Variants in YIPF3 observed in about 807,000 individuals in gnomAD.
YIPF3 encodes the protein Yip1 domain family member 3, also known as protein YIPF3.
In YIPF3, 18 loss-of-function variants were observed where a neutral mutation model predicts 40.3. The observed-to-expected ratio is 0.45, with a 90% CI of 0.31 to 0.66. The LOEUF (loss-of-function observed/expected upper bound fraction) is 0.66. Among genes scored for constraint, YIPF3 ranks in the 30% least tolerant of loss-of-function variants. YIPF3 has a pLI of 0.07. For synonymous variants in YIPF3, 190 were observed against 179.6 expected (o/e 1.06, Z -0.46); for missense variants, 406 against 452.2 (o/e 0.90, Z 0.93).
At position 43,516,903 on chromosome 6, in the gene YIPF3, G is replaced by A. The variant is rs2231760; in HGVS notation, c.-96C>T. ...CGGAAGGTAGACGTCCAGGGTCGAG[G>A]AGAGGTGGGATCGGCCGGAACACAA... is the stretch of plus-strand genomic sequence containing the variant. On this transcript the variant is annotated 5_prime_UTR_variant, in exon 1 of 9. Transcript: ENST00000372422. The A allele has an allele frequency of 1.0e-3, 1,436 of 1,389,230 alleles. 27 individuals are homozygous for A. The East Asian group carries it at 0.033, about 32-fold the overall frequency. 86.1% of individuals were successfully genotyped at this position (1,389,230 alleles called of 1,614,324 possible). A position where few individuals can be genotyped will look rare whatever the true frequency, so the allele number is the denominator to read the frequency against.
intron 1 of YIPF3, 158 bp downstream of exon 1, chr6:43,516,569 G>A (rs928318620): frequency 2.6e-5 from 22 of 861,460 alleles, no homozygotes; most frequent in Admixed American, 2.2e-4. Flanking sequence ...GCCCTTTCAG[G>A]TCAATGTTAA....
chr6:43,515,726 G>C (rs774606419), intron 2 of YIPF3, 25 bp from the exon 3 acceptor site: 1 of 1,613,398 alleles, frequency 6.2e-7, no homozygotes, highest in East Asian at 2.2e-5. Context: ...ATGGGCATAG[G>C]TATTGTGGTA....
In YIPF3 at chr6:43,516,659, A is replaced by G. The variant is rs2231764; in HGVS notation, c.81+68T>C. On this transcript the variant is annotated intron_variant, in intron 1 of 8. Transcript: ENST00000372422. ...GCGGACTTCCAGGCCCAGAGGGGGA[A>G]TCCCCAAGACACTTCTGGACATCGC... is the stretch of plus-strand genomic sequence containing the variant. 3.0e-4 allele frequency: 477 copies of G among 1,566,206 alleles called. No individual in the cohort carries two copies. In the African/African-American group the frequency reaches 5.4e-3, roughly 18 times the overall value.
intron 2 of YIPF3, 48 bp from the exon 3 acceptor site, chr6:43,515,749 G>A (rs569796733): frequency 3.1e-6 from 5 of 1,609,096 alleles, no homozygotes; most frequent in Non-Finnish European, 4.3e-6. Context: ...GTTGGTTCTA[G>A]ATCCTGTTGC....
intron 1 of YIPF3, 196 bp downstream of exon 1, chr6:43,516,531 G>T: frequency 1.5e-6 from 1 of 657,180 alleles, no homozygotes; most frequent in Non-Finnish European, 2.5e-6. Flanking sequence ...CCTGAAACCC[G>T]AGATCCTCAG....
intron 5 of YIPF3, 24 bp downstream of exon 5, chr6:43,513,335 C>A (rs767369688): frequency 1.2e-6 from 2 of 1,613,926 alleles, no homozygotes; most frequent in Non-Finnish European, 1.7e-6. Context: ...CAGCCACCCC[C>A]CCAAAGTTGT....
At chr6:43,516,280 CT>C (rs1368074578) in intron 1 of YIPF3, 185 bp from the exon 2 acceptor site, 3 of 1,339,988 alleles carry the variant, frequency 2.2e-6, no homozygotes, top group African/African-American at 3.0e-5. Flanking sequence ...CTTTGGCTAT[CT>C]TTTCTAGCCT....
chr6:43,515,608 G>C lies in YIPF3; in HGVS notation c.382C>G (p.Gln128Glu). 6.2e-7 allele frequency: 1 copy of C among 1,613,452 alleles called. No homozygotes were observed. Among genetic ancestry groups the C allele is most frequent in the East Asian group, 2.2e-5 (1 of 44,882 alleles). ...LRPYFDVEPA[Q>E]VRSRLLESMI... ...AAGGCTCCTCACCTGCTTCGCACCT[G>C]AGCAGGCTCCACATCAAAGTAGGGT... Residue 128 changes from glutamine (Q) to glutamate (E), a missense_variant, in exon 3 of 9, where the codon CAG becomes GAG. Physicochemically the swap from Gln to Glu is conservative, Grantham distance 29. Transcript: ENST00000372422.
In YIPF3 at chr6:43,512,764, G is replaced by T; in HGVS notation, c.777C>A (p.Arg259=). The T allele has an allele frequency of 6.2e-7, 1 of 1,613,014 alleles. No individual in the cohort carries two copies. Among genetic ancestry groups the T allele is most frequent in the Non-Finnish European group, 8.5e-7 (1 of 1,179,698 alleles). The change falls in exon 7 of 9, where the codon CGC becomes CGA. Residue 259 remains arginine, a synonymous_variant. Transcript: ENST00000372422. ...WLLVGGLSTL[R]MVAVLVSRTV... is the part of the protein sequence containing the mutation. ...GGAAGCCTCTTGCCCAGCTTACCAT[G>T]CGCAGTGTGGACAGTCCACCCACCA...
rs2231762 is a variant in YIPF3, at chr6:43,516,856, G to T, written c.-49C>A. The T allele has an allele frequency of 9.2e-4, 1,422 of 1,548,354 alleles. 12 individuals carry two copies. In the African/African-American group the frequency reaches 0.017, roughly 19 times the overall value. Reference sequence around the variant, plus strand: ...GAAACCCGCGCTAGCCCCGCGCGCGGAGTGGGCAAGATGTGGGCCTCCGGA... The same window carrying T: ...GAAACCCGCGCTAGCCCCGCGCGCGTAGTGGGCAAGATGTGGGCCTCCGGA... On this transcript the variant is annotated 5_prime_UTR_variant, in exon 1 of 9. Transcript: ENST00000372422.
intron 3 of YIPF3, among the ~76,000 whole-genome samples, chr6:43,514,879 GA>G (rs1426054716): frequency 2.0e-5 from 3 of 152,130 alleles, no homozygotes; most frequent in Non-Finnish European, 2.9e-5. Flanking sequence ...GGAATAAAAA[GA>G]TAAACAAGAC....
At chr6:43,515,545 T>C (rs1381615185) in intron 3 of YIPF3, 50 bp downstream of exon 3, 7 of 1,594,604 alleles carry the variant, frequency 4.4e-6, no homozygotes, top group African/African-American at 1.3e-5. Flanking sequence ...GTAGTGTGCA[T>C]GAAGGTCTAG....
chr6:43,516,004 C>A lies in YIPF3; in HGVS notation c.173G>T (p.Arg58Leu). The A allele has an allele frequency of 6.2e-7, 1 of 1,614,256 alleles. No individual in the cohort carries two copies. The highest frequency in any genetic ancestry group is 8.5e-7 in the Non-Finnish European group (1 of 1,180,038). ...EDMGELHQRLREEEVDADAAD... is the reference protein window; with the variant it reads ...EDMGELHQRLLEEEVDADAAD... ...TGCATCAGCGTCTACTTCTTCCTCG[C>A]GCAGGCGCTGATGCAGCTCACCCAT... Residue 58 changes from arginine to leucine, a missense_variant, in exon 2 of 9, where the codon CGC (arginine) becomes CTC (leucine). Physicochemically the swap from Arg to Leu is moderately radical, Grantham distance 102. Coordinates refer to ENST00000372422, the MANE Select transcript of YIPF3 (RefSeq NM_015388.4).
At chr6:43,513,875 C>CTA in intron 3 of YIPF3, 1 of 425,326 alleles carries the variant, frequency 2.4e-6, no homozygotes, top group Non-Finnish European at 4.2e-6. Context: ...GAAACAGCAG[C>CTA]TATATGGAGA....
intron 7 of YIPF3, 27 bp downstream of exon 7, chr6:43,512,734 C>T: frequency 6.2e-7 from 1 of 1,604,878 alleles, no homozygotes; most frequent in Non-Finnish European, 8.5e-7. Flanking sequence ...GGACAGCCCA[C>T]CCCTGGAAGC....
rs1490353905 is a variant in YIPF3 at position 43,513,362 on chromosome 6, A to G, written c.531T>C (p.Ile177=). The G allele has an allele frequency of 1.2e-6, 2 of 1,614,206 alleles. No homozygotes were observed. Among genetic ancestry groups the G allele is most frequent in the South Asian group, 2.2e-5 (2 of 91,074 alleles). ...CAAAGTTGTCTGTCCTGCTTACGAT[A>G]ATAGTGTCAGACGTCTTCATCCCAT... is the stretch of plus-strand genomic sequence containing the variant. ...LLHGMKTSDT[I]IREGTLMGTA... Residue 177 remains isoleucine (I), a synonymous_variant, in exon 5 of 9, where the codon ATT becomes ATC. Transcript: ENST00000372422.
At chr6:43,516,584 A>T in intron 1 of YIPF3, 143 bp downstream of exon 1, 1 of 984,244 alleles carries the variant, frequency 1.0e-6, no homozygotes, top group Non-Finnish European at 1.5e-6. Flanking sequence ...TGTTAATCCC[A>T]CTGACTTTAG....
At chr6:43,513,739 G>T in intron 3 of YIPF3, 106 bp from the exon 4 acceptor site, 1 of 1,140,900 alleles carries the variant, frequency 8.8e-7, no homozygotes, top group East Asian at 2.4e-5. Context: ...AATGGGGCCT[G>T]GCCTAGAAGA....
At chr6:43,514,935 C>T (rs1289405735) in intron 3 of YIPF3, among the ~76,000 whole-genome samples, 2 of 151,220 alleles carry the variant, frequency 1.3e-5, no homozygotes, top group Non-Finnish European at 2.9e-5. Context: ...AGGAAGATTC[C>T]AGGAATAAGA....
Sources: allele counts gnomAD v4.1 joint callset (sites outside exome capture counted in the v4.1 genomes callset), GRCh38; gene constraint gnomAD v4.1.1; transcripts MANE v1.5; gene names NCBI Gene and HGNC (gene_info 2026-07-23, HGNC 2026-07-21).